The following HPSE2 variants were observed in gnomAD, a reference collection of about 807,000 sequenced individuals.
HPSE2 encodes the protein inactive heparanase-2.
A neutral mutation model predicts 60.5 loss-of-function variants in HPSE2; 38 were observed. The observed-to-expected ratio is 0.63, with a 90% CI of 0.48 to 0.82. The LOEUF (loss-of-function observed/expected upper bound fraction) is 0.82. Ranked by LOEUF, HPSE2 falls within the 40% of genes least tolerant of loss-of-function variation. The probability of loss-of-function intolerance (pLI) is 0.00; values close to 1 mark genes in which losing one functional copy is unlikely to be tolerated. For synonymous variants in HPSE2, 295 were observed against 293.2 expected (o/e 1.01, Z -0.06); for missense variants, 713 against 740.4 (o/e 0.96, Z 0.43).
intron 9 of HPSE2, among the ~76,000 whole-genome samples, chr10:98,502,067 C>T (rs1332729269): frequency 2.6e-5 from 4 of 151,902 alleles, no homozygotes; most frequent in Non-Finnish European, 5.9e-5. Context: ...CAAATGGAAA[C>T]ACATCCCTTA....
intron 3 of HPSE2, among the ~76,000 whole-genome samples, chr10:99,000,915 C>T (rs1201883242): frequency 6.6e-6 from 1 of 152,034 alleles, no homozygotes; most frequent in African/African-American, 2.4e-5. Context: ...CCTGTCCTGT[C>T]CCCTGCGTGC....
chr10:99,230,537 T>C (rs1447485632), intron 2 of HPSE2, among the ~76,000 whole-genome samples: 1 of 152,170 alleles, frequency 6.6e-6, no homozygotes, highest in East Asian at 1.9e-4. Context: ...TTTATGTTTT[T>C]TTTTTAATTT....
At chr10:99,006,464 T>C (rs1432167111) in intron 3 of HPSE2, among the ~76,000 whole-genome samples, 1 of 151,778 alleles carries the variant, frequency 6.6e-6, no homozygotes, top group Non-Finnish European at 1.5e-5. Context: ...GGTGCTAGAG[T>C]GAGATTAAAG....
intron 3 of HPSE2, among the ~76,000 whole-genome samples, chr10:99,100,252 T>C (rs770556483): frequency 4.6e-5 from 7 of 152,126 alleles, no homozygotes; most frequent in Non-Finnish European, 8.8e-5. Context: ...GAAAAAAGAT[T>C]AGATGAATGG....
intron 3 of HPSE2, among the ~76,000 whole-genome samples, chr10:99,104,211 G>A (rs1844141834): frequency 6.6e-6 from 1 of 152,110 alleles, no homozygotes; most frequent in Non-Finnish European, 1.5e-5. Flanking sequence ...TACAGAATGG[G>A]AGAAAAATTT....
At chr10:98,960,701 C>CTTTTTTTTTTTATTTTTATTTTTTTTT (rs1955634019) in intron 3 of HPSE2, among the ~76,000 whole-genome samples, 2 of 57,566 alleles carry the variant, frequency 3.5e-5, no homozygotes, top group African/African-American at 8.4e-5. Context: ...ATGTACATTT[C>CTTTTTTTTTTTATTTTTATTTTTTTTT]TTTTTTTTTT....
At chr10:99,133,271 G>A (rs1845517104) in intron 3 of HPSE2, among the ~76,000 whole-genome samples, 1 of 152,184 alleles carries the variant, frequency 6.6e-6, no homozygotes, top group African/African-American at 2.4e-5. Context: ...CCATCTCCCT[G>A]GGACAGAGCA....
chr10:98,922,198 G>A (rs1033077346), intron 3 of HPSE2, among the ~76,000 whole-genome samples: 1 of 152,100 alleles, frequency 6.6e-6, no homozygotes, highest in African/African-American at 2.4e-5. Context: ...AAAATCCCAT[G>A]TGTATTTTAT....
At chr10:99,278,201 T>C in the HPSE2 span, among the ~76,000 whole-genome samples, 2 of 151,654 alleles carry the variant, frequency 1.3e-5, no homozygotes, top group South Asian at 2.1e-4. Context: ...AATATGCATG[T>C]GAAAAAAAAG....
intron 9 of HPSE2, among the ~76,000 whole-genome samples, chr10:98,584,861 C>T (rs1239294503): frequency 6.6e-6 from 1 of 152,148 alleles, no homozygotes; most frequent in East Asian, 1.9e-4. Context: ...CCTGCAACCC[C>T]ACATACATGT....
At chr10:98,573,334 T>C (rs1195987160) in intron 9 of HPSE2, among the ~76,000 whole-genome samples, 2 of 152,216 alleles carry the variant, frequency 1.3e-5, no homozygotes, top group African/African-American at 4.8e-5. Flanking sequence ...TAATATGTAT[T>C]AGAAAGAATT....
At chr10:98,705,646 A>T (rs966025377) in intron 5 of HPSE2, among the ~76,000 whole-genome samples, 9 of 152,202 alleles carry the variant, frequency 5.9e-5, no homozygotes, top group South Asian at 4.1e-4. Context: ...TCAGCAAACT[A>T]ACACAGGAAC....
At chr10:99,138,958 G>T (rs1042482711) in intron 3 of HPSE2, among the ~76,000 whole-genome samples, 2 of 151,992 alleles carry the variant, frequency 1.3e-5, no homozygotes, top group African/African-American at 4.8e-5. Flanking sequence ...AGGAAAAGAA[G>T]CCACTATATC....
chr10:98,717,589 A>C (rs1212220929), intron 5 of HPSE2, among the ~76,000 whole-genome samples: 1 of 152,070 alleles, frequency 6.6e-6, no homozygotes, highest in Admixed American at 6.6e-5. Context: ...AAAGCCTGAG[A>C]ACAGGGAGAG....
chr10:98,497,915 G>A (rs557966249), intron 9 of HPSE2, among the ~76,000 whole-genome samples: 1 of 152,264 alleles, frequency 6.6e-6, no homozygotes, highest in East Asian at 1.9e-4. Context: ...GATGCTTATA[G>A]AAGTCATGTT....
intron 6 of HPSE2, among the ~76,000 whole-genome samples, chr10:98,676,702 C>T (rs572003135): frequency 5.3e-5 from 8 of 152,100 alleles, no homozygotes; most frequent in Non-Finnish European, 8.8e-5. Flanking sequence ...ATGAGGGGAC[C>T]CCTAGAGATC....
At chr10:99,072,673 C>G (rs1842831368) in intron 3 of HPSE2, among the ~76,000 whole-genome samples, 1 of 152,068 alleles carries the variant, frequency 6.6e-6, no homozygotes, top group Non-Finnish European at 1.5e-5. Flanking sequence ...TGCCTATAAT[C>G]CCAGCACTTT....
At chr10:99,180,071 A>C (rs1453564550) in intron 2 of HPSE2, among the ~76,000 whole-genome samples, 1 of 152,226 alleles carries the variant, frequency 6.6e-6, no homozygotes, top group Non-Finnish European at 1.5e-5. Context: ...CAGAAAGCTG[A>C]AACTGGACCC....
the HPSE2 span, among the ~76,000 whole-genome samples, chr10:99,240,909 C>T: frequency 6.6e-6 from 1 of 152,134 alleles, no homozygotes; most frequent in African/African-American, 2.4e-5. Context: ...TACACTGTAA[C>T]TAGGACTGGG....
Sources: allele counts gnomAD v4.1 joint callset (sites outside exome capture counted in the v4.1 genomes callset), GRCh38; gene constraint gnomAD v4.1.1; transcripts MANE v1.5; gene names NCBI Gene and HGNC (gene_info 2026-07-23, HGNC 2026-07-21).